ZYG11A: variants seen among roughly 807,000 people sequenced by gnomAD.
ZYG11A encodes protein zyg-11 homolog A.
In ZYG11A, 62 loss-of-function variants were observed where a neutral mutation model predicts 77.2. The ratio of observed to expected loss-of-function variants is 0.80; its 90% CI spans 0.65 to 0.99. The LOEUF (loss-of-function observed/expected upper bound fraction) is 0.99. Among genes scored for constraint, ZYG11A ranks in the 50% least tolerant of loss-of-function variants. The pLI is 0.00. For missense variants in ZYG11A, 828 were observed against 896.8 expected (o/e 0.92, Z 0.98); for synonymous variants, 315 against 324.6 (o/e 0.97, Z 0.32).
At chr1:52,850,099 A>G (rs1054118760) in intron 1 of ZYG11A, among the ~76,000 whole-genome samples, 1 of 151,960 alleles carries the variant, frequency 6.6e-6, no homozygotes. Flanking sequence ...AGTCATTTCT[A>G]TTGTCCTGAC....
intron 13 of ZYG11A, among the ~76,000 whole-genome samples, chr1:52,892,427 C>T (rs1222168002): frequency 6.0e-5 from 9 of 151,052 alleles, no homozygotes; most frequent in African/African-American, 1.9e-4. Context: ...ACTTGGGAGG[C>T]GGAGGCAGGA....
chr1:52,885,425 C>T (rs918084720), intron 11 of ZYG11A, among the ~76,000 whole-genome samples: 4 of 147,368 alleles, frequency 2.7e-5, no homozygotes, highest in Admixed American at 6.8e-5. Flanking sequence ...AGGTTGGTCT[C>T]GATCTCTTGA....
rs571573708 is a variant in ZYG11A, at chr1:52,893,733, C to G, written c.*776C>G. ...TGAGCTGAGATTGCACCACTGCACT[C>G]CAGCCTGGATGACAGAGTGAGACCT... On this transcript the variant is annotated 3_prime_UTR_variant, in exon 14 of 14. Transcript: ENST00000371528. 3 of 151,662 alleles carry G rather than the reference C, an allele frequency of 2.0e-5. No homozygotes were observed. The highest frequency in any genetic ancestry group is 7.3e-5 in the African/African-American group (3 of 41,358). 9.4% of individuals were successfully genotyped at this position (151,662 alleles called of 1,614,324 possible).
Position 52,885,894 on chromosome 1 carries a change from G to C in ZYG11A, c.2006G>C (p.Arg669Thr), listed in dbSNP as rs1646441175. 5 of 1,539,732 alleles carry C rather than the reference G, an allele frequency of 3.2e-6. No individual in the cohort carries two copies. The highest frequency in any genetic ancestry group is 4.4e-6 in the Non-Finnish European group (5 of 1,141,974). ...AAGATGACAGCATTGGTGACCTATA[G>C]GTAATTTCATGGTGTTGTGCTTTTC... ...SCKMTALVTY[R>T]SFKTFFPLLG... Residue 669 changes from arginine to threonine, a missense_variant and splice_region_variant, in exon 12 of 14, where the codon AGA becomes ACA. Transcript: ENST00000371528.
intron 11 of ZYG11A, among the ~76,000 whole-genome samples, chr1:52,883,800 C>T (rs1424213290): frequency 6.6e-6 from 1 of 151,854 alleles, no homozygotes; most frequent in Non-Finnish European, 1.5e-5. Flanking sequence ...TTATTTTGTT[C>T]CATTGTGTTA....
chr1:52,854,954 G>T (rs551918947), intron 2 of ZYG11A, among the ~76,000 whole-genome samples: 4 of 151,450 alleles, frequency 2.6e-5, no homozygotes, highest in Non-Finnish European at 5.9e-5. Flanking sequence ...TGCAGCCTCC[G>T]CCTGGGTTTA....
intron 11 of ZYG11A, among the ~76,000 whole-genome samples, chr1:52,885,414 C>T (rs1646432619): frequency 6.6e-6 from 1 of 151,106 alleles, no homozygotes; most frequent in Non-Finnish European, 1.5e-5. Flanking sequence ...CCGTGTTAGC[C>T]AGGTTGGTCT....
intron 13 of ZYG11A, among the ~76,000 whole-genome samples, chr1:52,887,831 G>GC (rs1231013979): frequency 6.6e-6 from 1 of 152,028 alleles, no homozygotes; most frequent in Non-Finnish European, 1.5e-5. Flanking sequence ...CTATGTTAGT[G>GC]CCACTGCACT....
intron 13 of ZYG11A, among the ~76,000 whole-genome samples, chr1:52,887,446 C>G (rs1646471107): frequency 6.6e-6 from 1 of 152,086 alleles, no homozygotes; most frequent in South Asian, 2.1e-4. Context: ...TCTTTTCACT[C>G]AACAGTTTAT....
Position 52,857,556 on chromosome 1 carries a change from A to G in ZYG11A, c.815A>G (p.Asp272Gly). 4 of 1,552,058 alleles carry G rather than the reference A, an allele frequency of 2.6e-6. No individual in the cohort carries two copies. Among genetic ancestry groups the G allele is most frequent in the Non-Finnish European group, 8.7e-7 (1 of 1,147,068 alleles). ...DISDHRQLKS[D>G]LAFHLLQQKD... is the part of the protein sequence containing the mutation. ...TCTGATCACAGGCAACTCAAATCAG[A>G]CCTAGCTTTTCATTTGCTACAGCAG... The change falls in exon 3 of 14, where the codon GAC (aspartate) becomes GGC (glycine). Residue 272 changes from aspartate (D) to glycine (G), a missense_variant. Transcript: ENST00000371528.
chr1:52,857,681 C>A lies in ZYG11A; in HGVS notation c.940C>A (p.Gln314Lys). 6.4e-7 allele frequency: 1 copy of A among 1,552,132 alleles called. No homozygotes were observed. Among genetic ancestry groups the A allele is most frequent in the Non-Finnish European group, 8.7e-7 (1 of 1,147,076 alleles). ...GTTTATACGACTGCGGCCTGCCATG[C>A]AATTTGTGGGACTATTGGCCACGGA... ...ELFIRLRPAM[Q>K]FVGLLATDAG... Residue 314 changes from glutamine to lysine, a missense_variant, in exon 3 of 14, where the codon CAA (glutamine) becomes AAA (lysine). Transcript: ENST00000371528.
chr1:52,869,628 T>C (rs1196095611), intron 8 of ZYG11A, among the ~76,000 whole-genome samples: 2 of 151,722 alleles, frequency 1.3e-5, no homozygotes, highest in Non-Finnish European at 2.9e-5. Context: ...AAATGAAAAG[T>C]CTCCCATGTC....
chr1:52,860,453 A>G (rs959077559), intron 3 of ZYG11A, among the ~76,000 whole-genome samples: 5 of 152,192 alleles, frequency 3.3e-5, no homozygotes, highest in South Asian at 2.1e-4. Context: ...GCCTGCCACC[A>G]CGCCTGGCTA....
At chr1:52,892,232 A>AT (rs1433579836) in intron 13 of ZYG11A, among the ~76,000 whole-genome samples, 1 of 138,734 alleles carries the variant, frequency 7.2e-6, no homozygotes, top group Admixed American at 7.5e-5. Context: ...TTTAACTAGG[A>AT]TTAAAGATGT....
At chr1:52,874,877 A>G (rs1480658065) in intron 8 of ZYG11A, among the ~76,000 whole-genome samples, 1 of 152,174 alleles carries the variant, frequency 6.6e-6, no homozygotes, top group African/African-American at 2.4e-5. Flanking sequence ...AAAAAAAGGT[A>G]TCCACATTGC....
chr1:52,866,467 A>G (rs1557442275), intron 5 of ZYG11A, 36 bp from the exon 6 acceptor site: 5 of 1,195,688 alleles, frequency 4.2e-6, no homozygotes, highest in Middle Eastern at 1.9e-4. Context: ...GGAATGTTAC[A>G]TTTGTTCAAA....
intron 13 of ZYG11A, among the ~76,000 whole-genome samples, chr1:52,891,319 T>C (rs1646539038): frequency 6.7e-6 from 1 of 150,148 alleles, no homozygotes; most frequent in Non-Finnish European, 1.5e-5. Flanking sequence ...TTAAAAGTAA[T>C]TATTTTGTGG....
chr1:52,871,450 C>T (rs1646163833), intron 8 of ZYG11A, among the ~76,000 whole-genome samples: 1 of 151,350 alleles, frequency 6.6e-6, no homozygotes, highest in South Asian at 2.1e-4. Flanking sequence ...TATTTTTGGA[C>T]TTTATTCTGT....
At position 52,842,850 on chromosome 1, in the gene ZYG11A, G is replaced by T. The variant is rs1011110599; in HGVS notation, c.-34G>T. Reference sequence around the variant, plus strand: ...GGATCCGGGCTCCGGCTCGACGCCGGCTCTCTTTTTGACGCCCCGCCGCCG... The same window carrying T: ...GGATCCGGGCTCCGGCTCGACGCCGTCTCTCTTTTTGACGCCCCGCCGCCG... On this transcript the variant is annotated 5_prime_UTR_variant, in exon 1 of 14. Transcript: ENST00000371528. The T allele has an allele frequency of 2.0e-5, 31 of 1,523,278 alleles. No individual in the cohort carries two copies. The African/African-American group carries it at 3.9e-4, about 19-fold the overall frequency. The allele number at this position is 1,523,278 out of a possible 1,614,324, so 94.4% of individuals were successfully genotyped here.
Sources: allele counts gnomAD v4.1 joint callset (sites outside exome capture counted in the v4.1 genomes callset), GRCh38; gene constraint gnomAD v4.1.1; transcripts MANE v1.5; gene names NCBI Gene and HGNC (gene_info 2026-07-23, HGNC 2026-07-21).